EFR3A: variants seen among roughly 807,000 people sequenced by gnomAD.
The protein encoded by EFR3A is EFR3 homolog A, also known as protein EFR3 homolog A.
A neutral mutation model predicts 104.4 loss-of-function variants in EFR3A; 76 were observed. That is an observed-to-expected ratio of 0.73 (90% CI 0.60 to 0.88). The LOEUF is 0.88. Ranked by LOEUF, EFR3A falls within the 40% of genes least tolerant of loss-of-function variation. The probability of loss-of-function intolerance (pLI) is 0.00; values close to 1 mark genes in which losing one functional copy is unlikely to be tolerated. For synonymous variants in EFR3A, 330 were observed against 330.0 expected, an observed-to-expected ratio of 1.00 and a Z score of 0.00; for missense variants, 985 against 1,012.5, an observed-to-expected ratio of 0.97 and a Z score of 0.37.
chr8:132,002,435 C>T (rs983041916), intron 20 of EFR3A, among the ~76,000 whole-genome samples, 168 bp from the exon 21 acceptor site: 1 of 152,062 alleles, frequency 6.6e-6, no homozygotes, highest in Non-Finnish European at 1.5e-5. Context: ...GCTTTCTAGC[C>T]TTAAACAAGA....
intron 1 of EFR3A, among the ~76,000 whole-genome samples, chr8:131,934,423 C>T (rs1817772719): frequency 6.6e-6 from 1 of 152,132 alleles, no homozygotes; most frequent in African/African-American, 2.4e-5. Flanking sequence ...TTTTCTCTCT[C>T]CTCTGAACCT....
chr8:131,976,179 G>T, intron 11 of EFR3A, 38 bp downstream of exon 11: 2 of 1,295,904 alleles, frequency 1.5e-6, no homozygotes, highest in South Asian at 1.4e-5. Flanking sequence ...TTAATCTTGA[G>T]TTACATTTTA....
intron 8 of EFR3A, among the ~76,000 whole-genome samples, chr8:131,966,236 CA>C (rs574314909): frequency 1.3e-5 from 2 of 151,224 alleles, no homozygotes; most frequent in Admixed American, 6.6e-5. Context: ...TAAAAAGCAA[CA>C]AAAAAAAGAG....
chr8:131,904,435 C>A, intron 1 of EFR3A, 113 bp downstream of exon 1: 1 of 1,025,020 alleles, frequency 9.8e-7, no homozygotes, highest in Non-Finnish European at 1.3e-6. Context: ...TGAGCAGAGC[C>A]AGGAAGTGTC....
chr8:131,952,483 C>T (rs933680852), intron 5 of EFR3A, among the ~76,000 whole-genome samples: 1 of 152,104 alleles, frequency 6.6e-6, no homozygotes, highest in African/African-American at 2.4e-5. Context: ...TCTGCTGCTG[C>T]ACCATTTAGG....
Position 131,944,726 on chromosome 8 carries a change from A to T in EFR3A, c.88-19A>T, listed in dbSNP as rs1324845184. On this transcript the variant is annotated intron_variant, in intron 2 of 22. Transcript: ENST00000254624. ...GCATGAAAATATAGATAATCTATTT[A>T]TCTTGTTATTGTTTTTAGGATGGCC... is the stretch of plus-strand genomic sequence containing the variant. 1 of 1,550,654 alleles carries T rather than the reference A, an allele frequency of 6.4e-7. No individual in the cohort carries two copies. The highest frequency in any genetic ancestry group is 2.4e-5 in the East Asian group (1 of 42,016).
At chr8:131,995,347 G>A (rs1300811003) in intron 18 of EFR3A, among the ~76,000 whole-genome samples, 1 of 152,036 alleles carries the variant, frequency 6.6e-6, no homozygotes, top group East Asian at 1.9e-4. Flanking sequence ...CTACCATCCT[G>A]TACTTTCATC....
At chr8:131,960,736 G>A (rs1819270037) in intron 8 of EFR3A, among the ~76,000 whole-genome samples, 1 of 152,108 alleles carries the variant, frequency 6.6e-6, no homozygotes, top group Admixed American at 6.6e-5. Flanking sequence ...ATATAGTAAG[G>A]CATTTCTGGT....
At chr8:131,913,527 C>T (rs1023587655) in intron 1 of EFR3A, among the ~76,000 whole-genome samples, 1 of 151,762 alleles carries the variant, frequency 6.6e-6, no homozygotes, top group Non-Finnish European at 1.5e-5. Flanking sequence ...AGGCATTAAG[C>T]CATTTGCTTT....
intron 5 of EFR3A, among the ~76,000 whole-genome samples, chr8:131,953,203 C>G (rs1170937719): frequency 6.6e-6 from 1 of 152,074 alleles, no homozygotes; most frequent in South Asian, 2.1e-4. Flanking sequence ...GCAGCATTCT[C>G]TCACTATTAT....
chr8:131,955,673 G>T (rs1163886772), intron 6 of EFR3A, 95 bp from the exon 7 acceptor site: 1 of 1,343,624 alleles, frequency 7.4e-7, no homozygotes, highest in Non-Finnish European at 1.0e-6. Flanking sequence ...AAAAGAAAAT[G>T]CCATTTTAAC....
At chr8:131,944,016 A>G (rs1238507275) in intron 2 of EFR3A, among the ~76,000 whole-genome samples, 1 of 152,110 alleles carries the variant, frequency 6.6e-6, no homozygotes, top group Non-Finnish European at 1.5e-5. Context: ...GAAGGTGAAA[A>G]CACACATCTA....
chr8:131,915,724 T>C (rs1255733475), intron 1 of EFR3A, among the ~76,000 whole-genome samples: 2 of 152,102 alleles, frequency 1.3e-5, no homozygotes, highest in African/African-American at 4.8e-5. Flanking sequence ...AAAGGAGAAA[T>C]GCTGGATTGG....
chr8:131,994,519 G>A (rs1821377419), intron 18 of EFR3A, among the ~76,000 whole-genome samples: 1 of 152,136 alleles, frequency 6.6e-6, no homozygotes, highest in African/African-American at 2.4e-5. Context: ...TGGGAACTCT[G>A]CATTAAGCAG....
chr8:131,911,107 G>A (rs555448003), intron 1 of EFR3A, among the ~76,000 whole-genome samples: 20 of 152,132 alleles, frequency 1.3e-4, no homozygotes, highest in Non-Finnish European at 1.8e-4. Flanking sequence ...AGTTTTGCAT[G>A]TAATTTGAAG....
chr8:131,949,394 G>A (rs74518013), intron 4 of EFR3A, among the ~76,000 whole-genome samples: 3 of 152,230 alleles, frequency 2.0e-5, no homozygotes, highest in East Asian at 3.9e-4. Context: ...TTCTTAATTC[G>A]AAGCTTGTGT....
Position 131,968,309 on chromosome 8 carries a change from C to T in EFR3A, c.870C>T (p.His290=). 1.2e-6 allele frequency: 2 copies of T among 1,613,170 alleles called. No individual in the cohort carries two copies. The highest frequency in any genetic ancestry group is 1.7e-5 in the Admixed American group (1 of 59,910). Residue 290 remains histidine, a synonymous_variant, in exon 9 of 23, where the codon CAC becomes CAT. Transcript: ENST00000254624. The part of the protein sequence containing the change: ...IMYSIQAQYS[H]HVIQEILGHL... ...GTCTCCTTCAGGCTCAGTATTCTCA[C>T]CATGTGATCCAGGAGATTCTAGGAC...
At chr8:131,966,707 C>T (rs1431585466) in intron 8 of EFR3A, among the ~76,000 whole-genome samples, 1 of 152,026 alleles carries the variant, frequency 6.6e-6, no homozygotes, top group Non-Finnish European at 1.5e-5. Flanking sequence ...CGATCTTGGG[C>T]GAGTTTGGCT....
At chr8:131,997,833 C>T (rs568207731) in intron 19 of EFR3A, among the ~76,000 whole-genome samples, 26 of 152,110 alleles carry the variant, frequency 1.7e-4, no homozygotes, top group African/African-American at 5.8e-4. Flanking sequence ...ACTATTCTTA[C>T]TTCTTTCAAA....
Sources: gnomAD v4.1 joint callset for allele counts (sites outside exome capture counted in the v4.1 genomes callset) on GRCh38, gnomAD v4.1.1 for gene constraint, MANE v1.5 for transcripts, NCBI Gene and HGNC (gene_info 2026-07-23, HGNC 2026-07-21) for gene names.